CNTNAP1: variants seen among roughly 807,000 people sequenced by gnomAD.
CNTNAP1 encodes contactin associated protein 1, also known as contactin-associated protein 1.
CNTNAP1 carries 80 observed loss-of-function variants against 161.5 expected under a neutral mutation model. The observed-to-expected ratio is 0.50, with a 90% CI of 0.41 to 0.60. The LOEUF (loss-of-function observed/expected upper bound fraction) is 0.60, where lower values mean the gene tolerates loss of function less well. CNTNAP1 is among the 20% of genes least tolerant of loss of function. CNTNAP1 has a pLI of 0.00. For missense variants in CNTNAP1, 1,464 were observed against 1,854.8 expected (o/e 0.79, Z 3.87); for synonymous variants, 695 against 733.1 (o/e 0.95, Z 0.84).
At position 42,685,130 on chromosome 17, in the gene CNTNAP1, GC is replaced by G; in HGVS notation, c.506del (p.Pro169HisfsTer55). On this transcript the variant is annotated frameshift_variant, in exon 4 of 24. Coordinates refer to ENST00000264638, the MANE Select transcript of CNTNAP1 (RefSeq NM_003632.3). LOFTEE classifies it high-confidence loss of function. This position sits in a 1 kb window ranked among gnomAD's most constrained non-coding sequence, Gnocchi z 5.0. ...GGCCTGAGGCTCGGCCTCTATGGCTGCCCATACAGTAAGTGTGCAGAGAGCG... is the reference window on the plus strand; with the variant it reads ...GGCCTGAGGCTCGGCCTCTATGGCTGCCATACAGTAAGTGTGCAGAGAGCG... ...KIGLRLGLYG[C>X]PYKADILYFD... The G allele has an allele frequency of 6.3e-7, 1 of 1,590,904 alleles. No individual in the cohort carries two copies.
rs751088050 is a variant in CNTNAP1, at chr17:42,687,057, AG to A, written c.1044+17del. Reference sequence around the variant, plus strand: ...CGGATCACCTTCGAGGCCAGTGGGCAGGGGGGTCTGGGAGGACAGGATATCA... The same window carrying A: ...CGGATCACCTTCGAGGCCAGTGGGCAGGGGGTCTGGGAGGACAGGATATCA... On this transcript the variant is annotated intron_variant, in intron 7 of 23. Coordinates refer to ENST00000264638, the MANE Select transcript of CNTNAP1 (RefSeq NM_003632.3). This position sits in a 1 kb window ranked among gnomAD's most constrained non-coding sequence, Gnocchi z 4.7. 3.1e-6 allele frequency: 5 copies of A among 1,608,022 alleles called. No individual in the cohort carries two copies. The highest frequency in any genetic ancestry group is 2.2e-5 in the East Asian group (1 of 44,710).
Position 42,687,975 on chromosome 17 carries a change from G to A in CNTNAP1, c.1300G>A (p.Ala434Thr), listed in dbSNP as rs370338317. ...AQSGRKKLQF[A>T]AGYRLNDGFW... ...GAGCGGCCGAAAGAAGCTTCAGTTCGCTGCTGGTGAGGGCGTTTCGGGGGA... is the reference window on the plus strand; with the variant it reads ...GAGCGGCCGAAAGAAGCTTCAGTTCACTGCTGGTGAGGGCGTTTCGGGGGA... Residue 434 changes from alanine to threonine, a missense_variant, in exon 8 of 24, where the codon GCT becomes ACT. This residue lies in a region of CNTNAP1 where 1,383 missense variants were observed against 1,765.0 expected (regional missense o/e 0.78). Transcript: ENST00000264638. The surrounding 1 kb of genome is among the most constrained non-coding windows in gnomAD (Gnocchi z 4.7). 1.2e-5 allele frequency: 19 copies of A among 1,612,240 alleles called. No homozygotes were observed. Among genetic ancestry groups the A allele is most frequent in the Non-Finnish European group, 1.6e-5 (19 of 1,178,938 alleles).
intron 1 of CNTNAP1, 169 bp from the exon 2 acceptor site, chr17:42,683,652 C>A (rs1201504178): frequency 7.0e-7 from 1 of 1,433,968 alleles, no homozygotes; most frequent in South Asian, 1.5e-5. Context: ...GAGCATGCAG[C>A]TGTTGCTGCA....
intron 23 of CNTNAP1, 41 bp downstream of exon 23, chr17:42,697,991 CCT>C (rs1567976928): frequency 1.2e-6 from 2 of 1,608,684 alleles, no homozygotes; most frequent in South Asian, 2.2e-5. Context: ...CCAAGACTAC[CCT>C]CTGACTGTCA....
rs1790487782 is a variant in CNTNAP1 at position 42,699,230 on chromosome 17, TAAC to T, written c.*325_*327del. 1 of 288,804 alleles carries T rather than the reference TAAC, an allele frequency of 3.5e-6. No homozygotes were observed. The highest frequency in any genetic ancestry group is 4.9e-5 in the Admixed American group (1 of 20,230). The allele number at this position is 288,804 out of a possible 1,614,324, so 17.9% of individuals were successfully genotyped here. A position where few individuals can be genotyped will look rare whatever the true frequency, so the allele number is the denominator to read the frequency against. ...CTCTGTTCCAGCTGCTGTCAGGGAT[TAAC>T]AACAGAGTGTAGGGGAGATTAACTG... On this transcript the variant is annotated 3_prime_UTR_variant, in exon 24 of 24. Coordinates refer to ENST00000264638, the MANE Select transcript of CNTNAP1 (RefSeq NM_003632.3).
At chr17:42,686,810 A>G in intron 6 of CNTNAP1, 93 bp from the exon 7 acceptor site, 2 of 1,417,452 alleles carry the variant, frequency 1.4e-6, no homozygotes, top group South Asian at 1.3e-5. Flanking sequence ...ACAAAACCCC[A>G]TCTGGCATTT....
chr17:42,693,218 C>A lies in CNTNAP1; in HGVS notation c.2753-79C>A, dbSNP rs1032890788. The A allele has an allele frequency of 2.6e-6, 4 of 1,561,056 alleles. No homozygotes were observed. The South Asian group carries it at 4.6e-5, about 18-fold the overall frequency. ...TCGTGATTCGCCCGCCTCGGCCTCC[C>A]AAAGTGCTGGGATTACAGGCGTGAG... On this transcript the variant is annotated intron_variant, in intron 17 of 23. Coordinates refer to ENST00000264638, the MANE Select transcript of CNTNAP1 (RefSeq NM_003632.3).
rs2052989686 is a variant in CNTNAP1, at chr17:42,685,202, C to T, written c.512-15C>T. 2 of 1,613,350 alleles carry T rather than the reference C, an allele frequency of 1.2e-6. No individual in the cohort carries two copies. Among genetic ancestry groups the T allele is most frequent in the South Asian group, 1.1e-5 (1 of 91,074 alleles). On this transcript the variant is annotated splice_polypyrimidine_tract_variant and intron_variant, in intron 4 of 23. Coordinates refer to ENST00000264638, the MANE Select transcript of CNTNAP1 (RefSeq NM_003632.3). The surrounding 1 kb of genome is among the most constrained non-coding windows in gnomAD (Gnocchi z 5.0). ...GCCTCCCCAGTTCCCGGCCCACCTACGGTCCTTTGCGCAGAGGCCGACATA... is the reference window on the plus strand; with the variant it reads ...GCCTCCCCAGTTCCCGGCCCACCTATGGTCCTTTGCGCAGAGGCCGACATA...
intron 11 of CNTNAP1, 43 bp downstream of exon 11, chr17:42,689,670 T>C (rs1253351061): frequency 1.3e-6 from 2 of 1,499,426 alleles, no homozygotes; most frequent in African/African-American, 2.8e-5. Flanking sequence ...ACAAGGGAGG[T>C]CAATAGAAGG....
rs767254719 is a variant in CNTNAP1 at position 42,688,418 on chromosome 17, G to A, written c.1307-44G>A. ...CCACTCAGAACATTCTTCTACCCTAGTTGCTGCTTCCCTCCACCCACACCA... is the reference window on the plus strand; with the variant it reads ...CCACTCAGAACATTCTTCTACCCTAATTGCTGCTTCCCTCCACCCACACCA... On this transcript the variant is annotated intron_variant, in intron 8 of 23. Coordinates refer to ENST00000264638, the MANE Select transcript of CNTNAP1 (RefSeq NM_003632.3). The A allele has an allele frequency of 7.4e-6, 12 of 1,613,748 alleles. No homozygotes were observed. In the Admixed American group the frequency reaches 1.3e-4, roughly 18 times the overall value.
rs1415697661 is a variant in CNTNAP1 at position 42,687,740 on chromosome 17, C to T, written c.1065C>T (p.Cys355=). The T allele has an allele frequency of 6.2e-6, 10 of 1,614,132 alleles. No homozygotes were observed. Among genetic ancestry groups the T allele is most frequent in the Non-Finnish European group, 8.5e-6 (10 of 1,179,962 alleles). Residue 355 remains cysteine, a synonymous_variant, in exon 8 of 24, where the codon TGC becomes TGT. Coordinates refer to ENST00000264638, the MANE Select transcript of CNTNAP1 (RefSeq NM_003632.3). This position sits in a 1 kb window ranked among gnomAD's most constrained non-coding sequence, Gnocchi z 4.7. Reference sequence around the variant, plus strand: ...CCTAGGGTAAGGTGGCTTTTCGTTGCCTGGACCCGGTACCGCACCCTATCA... The same window carrying T: ...CCTAGGGTAAGGTGGCTTTTCGTTGTCTGGACCCGGTACCGCACCCTATCA... ...ITFEGKVAFR[C]LDPVPHPINF...
chr17:42,691,118 G>C lies in CNTNAP1; in HGVS notation c.2060-19G>C. 1 of 1,612,520 alleles carries C rather than the reference G, an allele frequency of 6.2e-7. No individual in the cohort carries two copies. The highest frequency in any genetic ancestry group is 1.3e-5 in the African/African-American group (1 of 75,034). On this transcript the variant is annotated intron_variant, in intron 13 of 23. Coordinates refer to ENST00000264638, the MANE Select transcript of CNTNAP1 (RefSeq NM_003632.3). The surrounding 1 kb of genome is among the most constrained non-coding windows in gnomAD (Gnocchi z 4.3). ...AATGGAGGGACAGGGCCTGGAAGCT[G>C]CCTGCACCTCTTCCCCAGGAGGCTA... is the stretch of plus-strand genomic sequence containing the variant.
Position 42,693,490 on chromosome 17 carries a change from G to A in CNTNAP1, c.2946G>A (p.Thr982=), listed in dbSNP as rs780199824. The change falls in exon 18 of 24, where the codon ACG becomes ACA. Residue 982 remains threonine (T), a synonymous_variant. Transcript: ENST00000264638. ...GCGTGGAGCGCTATAGCTACTACAC[G>A]TGTGACTGTGACCTCACGGCTTTTG... ...GRCVERYSYY[T]CDCDLTAFDG... is the part of the protein sequence containing the mutation. 23 of 1,614,094 alleles carry A rather than the reference G, an allele frequency of 1.4e-5. No individual in the cohort carries two copies. Among genetic ancestry groups the A allele is most frequent in the East Asian group, 4.5e-5 (2 of 44,892 alleles).
Position 42,691,444 on chromosome 17 carries a change from AG to A in CNTNAP1, c.2281del (p.Asp761IlefsTer13). 6.2e-7 allele frequency: 1 copy of A among 1,614,072 alleles called. No individual in the cohort carries two copies. The highest frequency in any genetic ancestry group is 8.5e-7 in the Non-Finnish European group (1 of 1,179,992). ...DHLPVTQVVI[G>X]DTNRSTSEAQ... Reference sequence around the variant, plus strand: ...ATCTGCCTGTCACTCAGGTAGTGATAGGGGATACGAACCGCTCCACTTCTGA... The same window carrying A: ...ATCTGCCTGTCACTCAGGTAGTGATAGGGATACGAACCGCTCCACTTCTGA... On this transcript the variant is annotated frameshift_variant, in exon 15 of 24. Coordinates refer to ENST00000264638, the MANE Select transcript of CNTNAP1 (RefSeq NM_003632.3). LOFTEE classifies it high-confidence loss of function. The surrounding 1 kb of genome is among the most constrained non-coding windows in gnomAD (Gnocchi z 4.3).
chr17:42,693,522 C>T lies in CNTNAP1; in HGVS notation c.2978C>T (p.Pro993Leu), dbSNP rs144879356. Residue 993 changes from proline to leucine, a missense_variant, in exon 18 of 24, where the codon CCA becomes CTA. Physicochemically the swap from Pro to Leu is moderately conservative, Grantham distance 98. Transcript: ENST00000264638. ...TGTGACCTCACGGCTTTTGATGGGC[C>T]ATACTGCAACCACGGTAAGTGCTGC... ...CDCDLTAFDG[P>L]YCNHDIGGFF... is the part of the protein sequence containing the mutation. 55 of 1,613,312 alleles carry T rather than the reference C, an allele frequency of 3.4e-5. No individual in the cohort carries two copies. The African/African-American group carries it at 6.4e-4, about 19-fold the overall frequency.
Position 42,697,256 on chromosome 17 carries a change from T to TCCCCCC in CNTNAP1, c.3475-13_3475-12insCCCCCC. On this transcript the variant is annotated splice_polypyrimidine_tract_variant and intron_variant, in intron 20 of 23. Coordinates refer to ENST00000264638, the MANE Select transcript of CNTNAP1 (RefSeq NM_003632.3). ...CCCCGCTCCCTCATCGCCCTCCCCC[T>TCCCCCC]CCCCCTCCCCACCTCAGGTGGACTA... The TCCCCCC allele has an allele frequency of 1.3e-6, 1 of 761,238 alleles. No homozygotes were observed. The allele number at this position is 761,238 out of a possible 1,614,324, so 47.2% of individuals were successfully genotyped here.
At chr17:42,695,909 C>A in intron 19 of CNTNAP1, 35 bp downstream of exon 19, 1 of 1,599,616 alleles carries the variant, frequency 6.3e-7, no homozygotes, top group Non-Finnish European at 8.5e-7. Flanking sequence ...CCCACTCCAG[C>A]TTCACCCCGG....
rs760878813 is a variant in CNTNAP1 at position 42,697,566 on chromosome 17, T to C, written c.3581T>C (p.Ile1194Thr). 13 of 1,613,906 alleles carry C rather than the reference T, an allele frequency of 8.1e-6. No homozygotes were observed. Among genetic ancestry groups the C allele is most frequent in the Admixed American group, 3.3e-5 (2 of 59,962 alleles). The stretch of plus-strand genomic sequence containing the variant: ...GCCTCTCTCTCAGAGACAGGAGTCA[T>C]TGACCCGGAGATCCAGCGCTACAAC... ...YLGRVMETGV[I>T]DPEIQRYNTP... The change falls in exon 22 of 24, where the codon ATT becomes ACT. Residue 1194 changes from isoleucine (I) to threonine (T), a missense_variant. Physicochemically the swap from Ile to Thr is moderately conservative, Grantham distance 89 (BLOSUM62 -1). Coordinates refer to ENST00000264638, the MANE Select transcript of CNTNAP1 (RefSeq NM_003632.3).
In CNTNAP1 at chr17:42,688,976, G is replaced by A. The variant is rs1268317797; in HGVS notation, c.1557G>A (p.Leu519=). ...AGGTGGATGGTCAACTGGTCAACCTGACTCTGGTGGAGGGCCGGCGGCTTG... is the reference window on the plus strand; with the variant it reads ...AGGTGGATGGTCAACTGGTCAACCTAACTCTGGTGGAGGGCCGGCGGCTTG... ...LLKVDGQLVN[L]TLVEGRRLGF... The change falls in exon 10 of 24, where the codon CTG becomes CTA. Residue 519 remains leucine (L), a synonymous_variant. Coordinates refer to ENST00000264638, the MANE Select transcript of CNTNAP1 (RefSeq NM_003632.3). 2 of 1,613,410 alleles carry A rather than the reference G, an allele frequency of 1.2e-6. No individual in the cohort carries two copies. Among genetic ancestry groups the A allele is most frequent in the African/African-American group, 2.7e-5 (2 of 74,892 alleles).
Sources: gnomAD v4.1 joint callset for allele counts on GRCh38, gnomAD v4.1.1 for gene constraint, gnomAD v4.1.1 regional missense constraint, Gnocchi (gnomAD v3.1) non-coding constraint, MANE v1.5 for transcripts, NCBI Gene and HGNC (gene_info 2026-07-23, HGNC 2026-07-21) for gene names.